CELF2: variants seen among roughly 807,000 people sequenced by gnomAD.
CELF2 encodes CUGBP Elav-like family member 2.
CELF2 carries 8 observed loss-of-function variants against 62.6 expected under a neutral mutation model. The ratio of observed to expected loss-of-function variants is 0.13; its 90% CI spans 0.07 to 0.23. The LOEUF is 0.23. Among genes scored for constraint, CELF2 ranks in the 10% least tolerant of loss-of-function variants. The pLI is 1.00. For missense variants in CELF2, 333 were observed against 671.0 expected (o/e 0.50, Z 5.56); for synonymous variants, 258 against 250.0 (o/e 1.03, Z -0.30).
chr10:11,261,789 A>G (rs1369260260), intron 5 of CELF2, among the ~76,000 whole-genome samples: 1 of 152,242 alleles, frequency 6.6e-6, no homozygotes, highest in East Asian at 1.9e-4. Context: ...GCCTTCATGG[A>G]GAAAAGGAGC....
intron 8 of CELF2, among the ~76,000 whole-genome samples, chr10:11,286,418 C>T (rs1236564714): frequency 6.6e-6 from 1 of 152,228 alleles, no homozygotes; most frequent in African/African-American, 2.4e-5. Flanking sequence ...AGAGGAAGCA[C>T]ACATCATGAG....
At chr10:10,588,032 CATA>C in the CELF2 span, among the ~76,000 whole-genome samples, 1 of 138,098 alleles carries the variant, frequency 7.2e-6, no homozygotes, top group Non-Finnish European at 1.6e-5. Context: ...TTTTTTTTTA[CATA>C]ATGTTTTAGC....
At chr10:10,571,485 T>C in the CELF2 span, among the ~76,000 whole-genome samples, 1 of 152,292 alleles carries the variant, frequency 6.6e-6, no homozygotes, top group South Asian at 2.1e-4. Flanking sequence ...TATTGGCAAA[T>C]AGGCTTTTGC....
chr10:11,254,250 A>G (rs1182054345), intron 4 of CELF2, among the ~76,000 whole-genome samples: 1 of 152,260 alleles, frequency 6.6e-6, no homozygotes, highest in Admixed American at 6.5e-5. Context: ...AGTATTCCCC[A>G]TATTGCCTTT....
At chr10:11,275,177 G>A in intron 8 of CELF2, 57 bp downstream of exon 8, 1 of 1,529,402 alleles carries the variant, frequency 6.5e-7, no homozygotes, top group Non-Finnish European at 9.1e-7. Flanking sequence ...ATTTGGGGTT[G>A]GTTCCGAGGG....
intron 2 of CELF2, among the ~76,000 whole-genome samples, chr10:10,963,345 G>A (rs1284392145): frequency 1.3e-5 from 2 of 152,064 alleles, no homozygotes; most frequent in South Asian, 2.1e-4. Flanking sequence ...ATGAGCCACC[G>A]TGCCCAGCCA....
Position 11,145,726 on chromosome 10 carries a change from T to A in CELF2, c.75-19760T>A, listed in dbSNP as rs2062140937. Reference sequence around the variant, plus strand: ...GCTTTAGAAAATCCAGCCAGGCCTCTGTGGTAGATAAGAAGTTGCTTCATT... The same window carrying A: ...GCTTTAGAAAATCCAGCCAGGCCTCAGTGGTAGATAAGAAGTTGCTTCATT... On this transcript the variant is annotated intron_variant, in intron 1 of 12. Transcript: ENST00000633077. This position sits in a 1 kb window ranked among gnomAD's most constrained non-coding sequence, Gnocchi z 4.3. Among the ~76,000 whole-genome samples, 1 of 152,198 alleles carries A rather than the reference T, an allele frequency of 6.6e-6. No homozygotes were observed. Among genetic ancestry groups the A allele is most frequent in the South Asian group, 2.1e-4 (1 of 4,832 alleles).
intron 1 of CELF2, among the ~76,000 whole-genome samples, chr10:10,825,419 C>G (rs1312056874): frequency 1.3e-5 from 2 of 152,092 alleles, no homozygotes; most frequent in African/African-American, 2.4e-5. Flanking sequence ...ACTGTGTTAG[C>G]CAGGCTGGTC....
chr10:10,890,440 A>G (rs113030143), intron 1 of CELF2, among the ~76,000 whole-genome samples: 101 of 152,368 alleles, frequency 6.6e-4, no homozygotes, highest in African/African-American at 2.2e-3. Flanking sequence ...ACTACAAAGC[A>G]TAGTATAAAA....
intron 1 of CELF2, among the ~76,000 whole-genome samples, chr10:10,818,656 T>A (rs1456596132): frequency 2.0e-5 from 3 of 150,634 alleles, no homozygotes; most frequent in Non-Finnish European, 4.4e-5. Flanking sequence ...CAGGTTCAAG[T>A]GATTCTCATG....
Position 11,314,090 on chromosome 10 carries a change from C to G in CELF2, c.977-49C>G. On this transcript the variant is annotated intron_variant, in intron 9 of 12. Coordinates refer to ENST00000633077, the MANE Select transcript of CELF2 (RefSeq NM_001326342.2). The surrounding 1 kb of genome is among the most constrained non-coding windows in gnomAD (Gnocchi z 5.3). ...CAGAAGGATTTCCAGTCTCGGCTCTCACTCACCTCGTGTCTTCTCTCCCCT... is the reference window on the plus strand; with the variant it reads ...CAGAAGGATTTCCAGTCTCGGCTCTGACTCACCTCGTGTCTTCTCTCCCCT... 1 of 1,562,834 alleles carries G rather than the reference C, an allele frequency of 6.4e-7. No individual in the cohort carries two copies. The highest frequency in any genetic ancestry group is 1.2e-5 in the South Asian group (1 of 86,232).
chr10:10,835,444 G>A (rs1040528830), intron 1 of CELF2, among the ~76,000 whole-genome samples: 9 of 150,858 alleles, frequency 6.0e-5, no homozygotes, highest in Non-Finnish European at 1.2e-4. Flanking sequence ...GTGCAGTGGC[G>A]CAATCTCGGC....
intron 1 of CELF2, among the ~76,000 whole-genome samples, chr10:11,050,046 T>G (rs2063627840): frequency 6.6e-6 from 1 of 152,220 alleles, no homozygotes; most frequent in East Asian, 1.9e-4. Context: ...AGGCAGTATT[T>G]ATGATAAATA....
chr10:10,614,960 G>A, the CELF2 span, among the ~76,000 whole-genome samples: 4 of 152,008 alleles, frequency 2.6e-5, no homozygotes, highest in South Asian at 2.1e-4. Context: ...CATGGGAATC[G>A]ACGAAGAGGC....
At chr10:11,133,400 C>T (rs1402192873) in intron 1 of CELF2, among the ~76,000 whole-genome samples, 3 of 152,092 alleles carry the variant, frequency 2.0e-5, no homozygotes, top group African/African-American at 4.8e-5. Context: ...AAGCATATGC[C>T]GTGGGACCAA....
intron 1 of CELF2, among the ~76,000 whole-genome samples, chr10:11,133,374 G>A (rs1404966373): frequency 1.3e-5 from 2 of 152,138 alleles, no homozygotes; most frequent in African/African-American, 4.8e-5. Context: ...TTGAATCATT[G>A]ATCTTTTTGA....
At chr10:10,479,975 C>A in the CELF2 span, among the ~76,000 whole-genome samples, 4 of 152,186 alleles carry the variant, frequency 2.6e-5, no homozygotes, top group Non-Finnish European at 5.9e-5. Context: ...CTGATCATTT[C>A]TCAGCCTTTT....
At chr10:10,682,086 A>G in the CELF2 span, among the ~76,000 whole-genome samples, 5 of 152,210 alleles carry the variant, frequency 3.3e-5, no homozygotes, top group Admixed American at 1.3e-4. Flanking sequence ...CTCTCATTCA[A>G]TTGATATGGT....
the CELF2 span, among the ~76,000 whole-genome samples, chr10:10,638,904 T>C: frequency 1.3e-5 from 2 of 152,160 alleles, no homozygotes; most frequent in African/African-American, 4.8e-5. Context: ...AGTAGAAATC[T>C]CATTACAAAA....
Sources: gnomAD v4.1 joint callset for allele counts (sites outside exome capture counted in the v4.1 genomes callset) on GRCh38, gnomAD v4.1.1 for gene constraint, Gnocchi (gnomAD v3.1) non-coding constraint, MANE v1.5 for transcripts, NCBI Gene and HGNC (gene_info 2026-07-23, HGNC 2026-07-21) for gene names.